Variants in MCUB observed in about 807,000 individuals in gnomAD.
MCUB encodes calcium uniporter regulatory subunit MCUb, mitochondrial.
In MCUB, 46 loss-of-function variants were observed where a neutral mutation model predicts 41.4. The ratio of observed to expected loss-of-function variants is 1.11; its 90% CI spans 0.88 to 1.42. The LOEUF (loss-of-function observed/expected upper bound fraction) is 1.42. Ranked by LOEUF, MCUB falls within the 40% of genes most tolerant of loss-of-function variation. The pLI is 0.00. For synonymous variants in MCUB, 148 were observed against 148.2 expected (o/e 1.00, Z 0.01); for missense variants, 403 against 404.9 (o/e 1.00, Z 0.04).
chr4:109,587,758 CA>C (rs1205899187), intron 1 of MCUB, among the ~76,000 whole-genome samples: 1 of 152,030 alleles, frequency 6.6e-6, no homozygotes, highest in Non-Finnish European at 1.5e-5. Flanking sequence ...GTATTGAGAT[CA>C]AAACCTTAAC....
chr4:109,619,600 A>T (rs1728211480), intron 1 of MCUB, among the ~76,000 whole-genome samples: 1 of 152,200 alleles, frequency 6.6e-6, no homozygotes, highest in East Asian at 1.9e-4. Flanking sequence ...CCAGCAACTC[A>T]GGAGGCTGAG....
At chr4:109,596,856 T>C (rs1367041742) in intron 1 of MCUB, among the ~76,000 whole-genome samples, 1 of 151,328 alleles carries the variant, frequency 6.6e-6, no homozygotes, top group African/African-American at 2.4e-5. Context: ...GGTCTCTGGT[T>C]TTCCTAGGCA....
chr4:109,614,261 CAG>C (rs151230678), intron 1 of MCUB, among the ~76,000 whole-genome samples: 15,408 of 152,154 alleles, frequency 0.1, 871 homozygotes, highest in Non-Finnish European at 0.13. Flanking sequence ...GCTCCAAATA[CAG>C]AGTCTCTTTC....
chr4:109,636,399 A>G (rs924956477), intron 1 of MCUB, among the ~76,000 whole-genome samples: 1 of 152,210 alleles, frequency 6.6e-6, no homozygotes. Flanking sequence ...GACACTGCTT[A>G]GAGTGAGATA....
At chr4:109,567,031 T>G (rs1383304304) in intron 1 of MCUB, among the ~76,000 whole-genome samples, 2 of 150,052 alleles carry the variant, frequency 1.3e-5, no homozygotes, top group Non-Finnish European at 2.9e-5. Context: ...GAGAATTGGT[T>G]GAAGAGTAGA....
intron 1 of MCUB, among the ~76,000 whole-genome samples, chr4:109,581,517 C>A (rs1276747123): frequency 1.3e-5 from 2 of 151,476 alleles, no homozygotes; most frequent in Admixed American, 1.3e-4. Flanking sequence ...GCAACAAAAG[C>A]CAAAATTGAC....
intron 4 of MCUB, among the ~76,000 whole-genome samples, chr4:109,667,956 AT>A (rs1729381130): frequency 6.6e-6 from 1 of 151,916 alleles, no homozygotes; most frequent in African/African-American, 2.4e-5. Context: ...TTTTCCAGCT[AT>A]CTTTGGGTTA....
chr4:109,648,738 A>G (rs1728894427), intron 1 of MCUB: 1 of 363,850 alleles, frequency 2.7e-6, no homozygotes, highest in African/African-American at 2.2e-5. Flanking sequence ...AAAAAAAAAA[A>G]AAATCATTAA....
At chr4:109,583,428 G>T (rs2126127143) in intron 1 of MCUB, among the ~76,000 whole-genome samples, 1 of 152,306 alleles carries the variant, frequency 6.6e-6, no homozygotes, top group South Asian at 2.1e-4. Flanking sequence ...CTGAGAGTTT[G>T]CTGAAGTTGC....
chr4:109,585,983 T>G (rs1010175200), intron 1 of MCUB, among the ~76,000 whole-genome samples: 2 of 152,222 alleles, frequency 1.3e-5, no homozygotes, highest in African/African-American at 2.4e-5. Context: ...TGAATTTGAA[T>G]GTTGTCCTGC....
intron 1 of MCUB, among the ~76,000 whole-genome samples, chr4:109,653,053 G>A (rs960056702): frequency 2.0e-5 from 3 of 152,080 alleles, no homozygotes; most frequent in African/African-American, 7.2e-5. Context: ...GGGATTACTG[G>A]GTCACATATA....
At chr4:109,683,559 A>T (rs531168227) in intron 5 of MCUB, among the ~76,000 whole-genome samples, 2 of 152,318 alleles carry the variant, frequency 1.3e-5, no homozygotes, top group East Asian at 3.9e-4. Flanking sequence ...ATCATTTCAG[A>T]TTTCCTTTAT....
In MCUB at chr4:109,582,560, C is replaced by CAA. The variant is rs35609064; in HGVS notation, c.99+22139_99+22140dup. Among the ~76,000 whole-genome samples the CAA allele has an allele frequency of 5.2e-3, 739 of 143,284 alleles. 18 individuals are homozygous for CAA. The South Asian group carries it at 0.063, about 12-fold the overall frequency. 94.0% of individuals were successfully genotyped at this position (143,284 alleles called of 152,430 possible). The stretch of plus-strand genomic sequence containing the variant: ...ATTTAAAAAAAAAATCACAGTTTAA[C>CAA]AAAAAAAAAAAAAAAATCCCATTTG... On this transcript the variant is annotated intron_variant, in intron 1 of 7. Coordinates refer to ENST00000394650, the MANE Select transcript of MCUB (RefSeq NM_017918.5).
intron 1 of MCUB, among the ~76,000 whole-genome samples, chr4:109,645,346 G>A (rs868210765): frequency 4.7e-4 from 69 of 146,156 alleles, no homozygotes; most frequent in Admixed American, 3.5e-3. Flanking sequence ...CATCGCCACT[G>A]CCCTACTTCA....
chr4:109,603,651 G>T (rs1445842607), intron 1 of MCUB, among the ~76,000 whole-genome samples: 1 of 152,190 alleles, frequency 6.6e-6, no homozygotes. Context: ...TCTGGGAACT[G>T]AGGAGCGCCT....
chr4:109,648,489 T>G (rs1728885683), intron 1 of MCUB: 2 of 329,420 alleles, frequency 6.1e-6, no homozygotes, highest in Non-Finnish European at 1.2e-5. Context: ...TTCAGTCATT[T>G]TGTGGATTAA....
chr4:109,664,592 T>A (rs540537923), intron 4 of MCUB, among the ~76,000 whole-genome samples, 198 bp downstream of exon 4: 1 of 152,242 alleles, frequency 6.6e-6, no homozygotes, highest in Non-Finnish European at 1.5e-5. Context: ...GCCTGGCTAA[T>A]TTTTTAACAT....
At chr4:109,614,053 C>G (rs1012014464) in intron 1 of MCUB, among the ~76,000 whole-genome samples, 4 of 152,146 alleles carry the variant, frequency 2.6e-5, no homozygotes, top group Non-Finnish European at 5.9e-5. Context: ...ACCAGATATT[C>G]CTAATGTTAG....
chr4:109,679,765 CTCT>C (rs1579098123), intron 4 of MCUB, among the ~76,000 whole-genome samples: 1 of 152,062 alleles, frequency 6.6e-6, no homozygotes, highest in African/African-American at 2.4e-5. Flanking sequence ...TATGAACTTT[CTCT>C]CCCGCTTTGA....
Sources: gnomAD v4.1 joint callset for allele counts (sites outside exome capture counted in the v4.1 genomes callset) on GRCh38, gnomAD v4.1.1 for gene constraint, MANE v1.5 for transcripts, NCBI Gene and HGNC (gene_info 2026-07-23, HGNC 2026-07-21) for gene names.